ADAM9: variants seen among roughly 807,000 people sequenced by gnomAD.
ADAM9 encodes the protein disintegrin and metalloproteinase domain-containing protein 9.
A neutral mutation model predicts 108.1 loss-of-function variants in ADAM9; 54 were observed. The ratio of observed to expected loss-of-function variants is 0.50; its 90% CI spans 0.40 to 0.63. ADAM9 has a LOEUF of 0.63. Among genes scored for constraint, ADAM9 ranks in the 20% least tolerant of loss-of-function variants. The pLI is 0.00. For missense variants in ADAM9, 830 were observed against 997.7 expected, an observed-to-expected ratio of 0.83 and a Z score of 2.26; for synonymous variants, 316 against 336.0, an observed-to-expected ratio of 0.94 and a Z score of 0.65.
rs1836939642 is a variant in ADAM9 at position 39,026,830 on chromosome 8, T to TTCC, written c.1130+22_1130+23insCTC. Reference sequence around the variant, plus strand: ...AGCATCGTGAGTACCTGGGTTCTTCTTCTCCTTTATTTGGTATTGTAGATC... The same window carrying TTCC: ...AGCATCGTGAGTACCTGGGTTCTTCTTCCTCTCCTTTATTTGGTATTGTAGATC... On this transcript the variant is annotated intron_variant, in intron 11 of 21. Transcript: ENST00000487273. The TTCC allele has an allele frequency of 4.3e-6, 5 of 1,160,196 alleles. No individual in the cohort carries two copies. In the Admixed American group the frequency reaches 7.7e-5, roughly 18 times the overall value. 71.9% of individuals were successfully genotyped at this position (1,160,196 alleles called of 1,614,324 possible).
chr8:39,045,486 GTGCGTGTGTATACATA>G (rs1837723962), intron 12 of ADAM9, among the ~76,000 whole-genome samples: 3 of 149,396 alleles, frequency 2.0e-5, no homozygotes, highest in African/African-American at 7.4e-5. Context: ...ACACCTATAT[GTGCGTGTGTATACATA>G]TGTGTGTGTA....
At chr8:39,008,574 A>G (rs1198614997) in intron 2 of ADAM9, among the ~76,000 whole-genome samples, 1 of 152,198 alleles carries the variant, frequency 6.6e-6, no homozygotes, top group Non-Finnish European at 1.5e-5. Flanking sequence ...CTGATTATAT[A>G]CATTTTAACT....
intron 8 of ADAM9, 37 bp downstream of exon 8, chr8:39,021,751 CCTATT>C (rs1836748106): frequency 6.4e-7 from 1 of 1,561,572 alleles, no homozygotes. Context: ...ATGATTCTGT[CCTATT>C]CTTTCAGTCC....
At chr8:39,049,988 A>G (rs1037642855) in intron 12 of ADAM9, among the ~76,000 whole-genome samples, 3 of 152,120 alleles carry the variant, frequency 2.0e-5, no homozygotes, top group African/African-American at 7.2e-5. Flanking sequence ...TTTTTCTAGA[A>G]AAGTCTTAAT....
intron 13 of ADAM9, among the ~76,000 whole-genome samples, chr8:39,054,806 CAT>C (rs1215056507): frequency 6.6e-6 from 1 of 151,850 alleles, no homozygotes; most frequent in Admixed American, 6.6e-5. Context: ...TTTAGAGTAA[CAT>C]ATGCCTGTTA....
chr8:39,045,450 A>G lies in ADAM9; in HGVS notation c.1302+3333A>G, dbSNP rs577000993. 6.7e-5 allele frequency among the ~76,000 whole-genome samples: 10 copies of G among 148,892 alleles called. 2 individuals are homozygous for G. Among genetic ancestry groups the G allele is most frequent in the Admixed American group, 2.0e-4 (3 of 15,128 alleles). ...CACCTATATGTGCGCGTGTGTACAC[A>G]CACCTATATGTGCGTGTGTGTACAC... On this transcript the variant is annotated intron_variant, in intron 12 of 21. Coordinates refer to ENST00000487273, the MANE Select transcript of ADAM9 (RefSeq NM_003816.3).
chr8:39,028,835 G>A (rs1343569430), intron 11 of ADAM9, among the ~76,000 whole-genome samples: 2 of 152,138 alleles, frequency 1.3e-5, no homozygotes, highest in Non-Finnish European at 1.5e-5. Flanking sequence ...AAATAGAGCA[G>A]AATGTGGAGG....
chr8:39,082,953 T>G lies in ADAM9; in HGVS notation c.1963-15T>G. On this transcript the variant is annotated splice_polypyrimidine_tract_variant and intron_variant, in intron 17 of 21. Coordinates refer to ENST00000487273, the MANE Select transcript of ADAM9 (RefSeq NM_003816.3). ...ATTCACAATTAACAAAAGTGGTATT[T>G]TGATTGTTTTGAAGGTATGTAATAG... 6.2e-7 allele frequency: 1 copy of G among 1,602,870 alleles called. No individual in the cohort carries two copies. Among genetic ancestry groups the G allele is most frequent in the Middle Eastern group, 1.7e-4 (1 of 6,052 alleles).
intron 1 of ADAM9, among the ~76,000 whole-genome samples, chr8:38,998,774 C>T (rs1835905824): frequency 6.6e-6 from 1 of 151,632 alleles, no homozygotes; most frequent in African/African-American, 2.4e-5. Context: ...GGGCGGGGGG[C>T]GTATGAAAGA....
At chr8:39,094,110 A>C (rs1270500414) in intron 20 of ADAM9, among the ~76,000 whole-genome samples, 2 of 152,214 alleles carry the variant, frequency 1.3e-5, no homozygotes, top group Non-Finnish European at 2.9e-5. Context: ...GAGAGTTTTT[A>C]TCATGAAAGA....
chr8:39,078,023 G>A (rs1171047406), intron 16 of ADAM9, among the ~76,000 whole-genome samples: 1 of 152,118 alleles, frequency 6.6e-6, no homozygotes, highest in East Asian at 1.9e-4. Context: ...ATATGAGGGA[G>A]CAGGATTGTT....
intron 16 of ADAM9, among the ~76,000 whole-genome samples, chr8:39,081,999 TTTTTATC>T (rs1839039103): frequency 6.6e-6 from 1 of 152,146 alleles, no homozygotes; most frequent in Admixed American, 6.5e-5. Flanking sequence ...GAGGTAATGG[TTTTTATC>T]TCTCAGTAGC....
At chr8:39,092,300 AT>A (rs5891053) in intron 20 of ADAM9, among the ~76,000 whole-genome samples, 6,192 of 151,748 alleles carry the variant, frequency 0.041, 438 homozygotes, top group African/African-American at 0.14. Context: ...GTTGAAAATG[AT>A]TAGAAATCCT....
chr8:39,005,157 C>T (rs1295796248), intron 1 of ADAM9, among the ~76,000 whole-genome samples: 1 of 152,124 alleles, frequency 6.6e-6, no homozygotes, highest in Non-Finnish European at 1.5e-5. Context: ...GATCTATCTT[C>T]TGTGACTTCT....
At chr8:39,048,074 C>G (rs1226468858) in intron 12 of ADAM9, among the ~76,000 whole-genome samples, 1 of 151,938 alleles carries the variant, frequency 6.6e-6, no homozygotes, top group Non-Finnish European at 1.5e-5. Flanking sequence ...GCGCGCACCA[C>G]CATGCCTAGC....
At chr8:39,073,917 A>G (rs1838775295) in intron 15 of ADAM9, among the ~76,000 whole-genome samples, 1 of 152,166 alleles carries the variant, frequency 6.6e-6, no homozygotes, top group Non-Finnish European at 1.5e-5. Flanking sequence ...TCCTTGTTCA[A>G]TCACTTAACA....
intron 11 of ADAM9, among the ~76,000 whole-genome samples, chr8:39,039,334 T>C (rs990723882): frequency 6.6e-6 from 1 of 152,212 alleles, no homozygotes; most frequent in African/African-American, 2.4e-5. Flanking sequence ...GATGTAAATA[T>C]AGGTGGTGAA....
At chr8:39,018,727 T>C (rs1406845844) in intron 6 of ADAM9, 126 bp from the exon 7 acceptor site, 6 of 843,946 alleles carry the variant, frequency 7.1e-6, no homozygotes, top group African/African-American at 1.7e-5. Context: ...TTTCTTGATA[T>C]AGGATATGTT....
chr8:39,045,568 G>GTATATATATATATATATATATA (rs1354034713), intron 12 of ADAM9, among the ~76,000 whole-genome samples: 5 of 139,302 alleles, frequency 3.6e-5, no homozygotes, highest in African/African-American at 1.3e-4. Flanking sequence ...ATGTGTGTGT[G>GTATATATATATATATATATATA]TGTATATATA....
Sources: allele counts gnomAD v4.1 joint callset (sites outside exome capture counted in the v4.1 genomes callset), GRCh38; gene constraint gnomAD v4.1.1; transcripts MANE v1.5; gene names NCBI Gene and HGNC (gene_info 2026-07-23, HGNC 2026-07-21).